The following DAAM1 variants were observed in gnomAD, a reference collection of about 807,000 sequenced individuals.
DAAM1 encodes the protein dishevelled associated activator of morphogenesis 1, also known as disheveled-associated activator of morphogenesis 1.
A neutral mutation model predicts 130.0 loss-of-function variants in DAAM1; 52 were observed. That is an observed-to-expected ratio of 0.40 (90% CI 0.32 to 0.50). The LOEUF (loss-of-function observed/expected upper bound fraction) is 0.50, where lower values mean the gene tolerates loss of function less well. DAAM1 is among the 20% of genes least tolerant of loss of function. The probability of loss-of-function intolerance (pLI) is 0.61; values close to 1 mark genes in which losing one functional copy is unlikely to be tolerated. For missense variants in DAAM1, 1,134 were observed against 1,303.8 expected (o/e 0.87, Z 2.01); for synonymous variants, 452 against 444.5 (o/e 1.02, Z -0.21).
Position 59,363,703 on chromosome 14 carries a change from C to A in DAAM1, c.2747C>A (p.Ser916Tyr). Reference sequence around the variant, plus strand: ...CCACAGCCCGGAGATAAGTTTGTGTCTGTTGTCAGCCAGTTCATCACAGTA... The same window carrying A: ...CCACAGCCCGGAGATAAGTTTGTGTATGTTGTCAGCCAGTTCATCACAGTA... Reference protein sequence around the residue: ...QPPQPGDKFVSVVSQFITVAS... With the variant: ...QPPQPGDKFVYVVSQFITVAS... Residue 916 changes from serine to tyrosine, a missense_variant, in exon 23 of 25, where the codon TCT (serine) becomes TAT (tyrosine). Coordinates refer to ENST00000360909, the MANE Select transcript of DAAM1 (RefSeq NM_001270520.2). 6.2e-7 allele frequency: 1 copy of A among 1,614,090 alleles called. No homozygotes were observed. Among genetic ancestry groups the A allele is most frequent in the African/African-American group, 1.3e-5 (1 of 75,032 alleles).
chr14:59,296,187 C>T (rs536060014), intron 3 of DAAM1, among the ~76,000 whole-genome samples: 19 of 152,336 alleles, frequency 1.2e-4, no homozygotes, highest in African/African-American at 1.7e-4. Context: ...AAGGGAAGCA[C>T]AGTAGCTGCA....
chr14:59,359,960 C>T (rs1287341879), intron 21 of DAAM1, among the ~76,000 whole-genome samples: 3 of 152,212 alleles, frequency 2.0e-5, no homozygotes, highest in East Asian at 3.8e-4. Flanking sequence ...CTTCACACCA[C>T]GTTTCAGAGA....
intron 20 of DAAM1, among the ~76,000 whole-genome samples, chr14:59,358,201 T>A (rs940999323): frequency 1.3e-5 from 2 of 152,200 alleles, no homozygotes; most frequent in African/African-American, 4.8e-5. Context: ...ATCTCTGGGG[T>A]TAGCCCAGGC....
intron 16 of DAAM1, among the ~76,000 whole-genome samples, chr14:59,344,047 G>A (rs1885962777): frequency 6.6e-6 from 1 of 152,158 alleles, no homozygotes; most frequent in Admixed American, 6.5e-5. Flanking sequence ...GCTGCCAAAG[G>A]CCTGGGGGTG....
intron 1 of DAAM1, among the ~76,000 whole-genome samples, chr14:59,214,796 G>T (rs894706282): frequency 6.6e-6 from 1 of 152,052 alleles, no homozygotes; most frequent in African/African-American, 2.4e-5. Flanking sequence ...TAATGCTGCC[G>T]TCAACATTTG....
At chr14:59,282,323 C>T (rs1594798110) in intron 2 of DAAM1, among the ~76,000 whole-genome samples, 1 of 152,092 alleles carries the variant, frequency 6.6e-6, no homozygotes, top group Admixed American at 6.6e-5. Context: ...GAACCCTGTG[C>T]CTATCACAAT....
chr14:59,354,108 T>G (rs1416651815), intron 19 of DAAM1, 144 bp downstream of exon 19: 5 of 747,768 alleles, frequency 6.7e-6, no homozygotes, highest in Non-Finnish European at 8.6e-6. Flanking sequence ...TTGCCCAGGC[T>G]GGAGTGCAGT....
chr14:59,248,595 G>A (rs1447165251), intron 1 of DAAM1, among the ~76,000 whole-genome samples: 1 of 152,168 alleles, frequency 6.6e-6, no homozygotes, highest in Admixed American at 6.5e-5. Context: ...AATGAAAAGA[G>A]ATTATATATG....
At position 59,347,583 on chromosome 14, in the gene DAAM1, T is replaced by C. The variant is rs1486638313; in HGVS notation, c.2120T>C (p.Met707Thr). ...GAAATCAAACGGGCAATTCTAACAA[T>C]GGACGAACAGGAAGATCTGCCCAAG... ...NDEIKRAILT[M>T]DEQEDLPKDM... is the part of the protein sequence containing the mutation. The change falls in exon 17 of 25, where the codon ATG (methionine) becomes ACG (threonine). Residue 707 changes from methionine to threonine, a missense_variant. By Grantham distance (81) the Met-to-Thr change is moderately conservative (BLOSUM62 -1). Around this residue, in one of 3 missense-constraint regions of DAAM1, gnomAD observed 644 missense variants for 695.9 expected, o/e 0.93. Coordinates refer to ENST00000360909, the MANE Select transcript of DAAM1 (RefSeq NM_001270520.2). 6.2e-7 allele frequency: 1 copy of C among 1,613,950 alleles called. No individual in the cohort carries two copies.
rs767765809 is a variant in DAAM1 at position 59,363,777 on chromosome 14, G to A, written c.2821G>A (p.Asp941Asn). 10 of 1,613,678 alleles carry A rather than the reference G, an allele frequency of 6.2e-6. No homozygotes were observed. Among genetic ancestry groups the A allele is most frequent in the Non-Finnish European group, 8.5e-6 (10 of 1,179,936 alleles). Reference sequence around the variant, plus strand: ...TGAAGACCTTCTAGCAGAAGCTAAAGACCTGGTAAGTTTCCCCCTTGTGCA... The same window carrying A: ...TGAAGACCTTCTAGCAGAAGCTAAAAACCTGGTAAGTTTCCCCCTTGTGCA... ...DVEDLLAEAK[D>N]LFTKAVKHFG... The change falls in exon 23 of 25, where the codon GAC becomes AAC. Residue 941 changes from aspartate (D) to asparagine (N), a missense_variant. Physicochemically the swap from Asp to Asn is conservative, Grantham distance 23. Around this residue, in one of 3 missense-constraint regions of DAAM1, gnomAD observed 644 missense variants for 695.9 expected, o/e 0.93. Coordinates refer to ENST00000360909, the MANE Select transcript of DAAM1 (RefSeq NM_001270520.2).
chr14:59,288,673 TA>T (rs1421041186), intron 2 of DAAM1, among the ~76,000 whole-genome samples: 3 of 152,188 alleles, frequency 2.0e-5, no homozygotes, highest in Non-Finnish European at 4.4e-5. Context: ...TCTGTTTTCA[TA>T]CTACTGCAAA....
intron 3 of DAAM1, among the ~76,000 whole-genome samples, chr14:59,309,966 A>G (rs1384566032): frequency 6.6e-6 from 1 of 152,248 alleles, no homozygotes; most frequent in East Asian, 1.9e-4. Flanking sequence ...ACCTAACACA[A>G]TAAACTATTT....
intron 6 of DAAM1, among the ~76,000 whole-genome samples, chr14:59,323,512 TC>T (rs1483141237): frequency 1.3e-5 from 2 of 152,168 alleles, no homozygotes; most frequent in African/African-American, 2.4e-5. Flanking sequence ...AACTGGGTGT[TC>T]CCTGAAAATT....
At chr14:59,324,790 A>G (rs998896212) in intron 8 of DAAM1, among the ~76,000 whole-genome samples, 2 of 152,190 alleles carry the variant, frequency 1.3e-5, no homozygotes, top group Non-Finnish European at 2.9e-5. Flanking sequence ...GCTGGTGGTG[A>G]TGATGATAAT....
intron 2 of DAAM1, among the ~76,000 whole-genome samples, chr14:59,279,163 T>C (rs748533618): frequency 2.6e-5 from 4 of 152,136 alleles, no homozygotes; most frequent in African/African-American, 9.7e-5. Flanking sequence ...CGCCATAGTT[T>C]ATAACACTTC....
intron 3 of DAAM1, among the ~76,000 whole-genome samples, chr14:59,307,458 A>G (rs1480046685): frequency 6.6e-6 from 1 of 152,224 alleles, no homozygotes; most frequent in Non-Finnish European, 1.5e-5. Flanking sequence ...CCATGCTTTT[A>G]AAAAATTATT....
intron 1 of DAAM1, among the ~76,000 whole-genome samples, chr14:59,211,480 T>C (rs940738340): frequency 1.3e-5 from 2 of 152,252 alleles, no homozygotes; most frequent in African/African-American, 4.8e-5. Flanking sequence ...GGAGGAAGGC[T>C]GCTGCTGCAG....
Position 59,254,251 on chromosome 14 carries a change from G to A in DAAM1, c.-37-9190G>A, listed in dbSNP as rs186333231. Among the ~76,000 whole-genome samples the A allele has an allele frequency of 5.3e-5, 8 of 152,260 alleles. No homozygotes were observed. The East Asian group carries it at 1.3e-3, about 26-fold the overall frequency. ...ATTGCCGGTATCTTGTAACATACAA[G>A]TATTCTTTTCCATGACTGCTGGCCT... On this transcript the variant is annotated intron_variant, in intron 1 of 24. Transcript: ENST00000360909.
intron 6 of DAAM1, 35 bp downstream of exon 6, chr14:59,323,260 TC>T: frequency 6.5e-7 from 1 of 1,528,942 alleles, no homozygotes; most frequent in East Asian, 2.4e-5. Context: ...ACTCACCCCT[TC>T]TTTAAAGTCT....
Sources: gnomAD v4.1 joint callset for allele counts (sites outside exome capture counted in the v4.1 genomes callset) on GRCh38, gnomAD v4.1.1 for gene constraint, gnomAD v4.1.1 regional missense constraint, MANE v1.5 for transcripts, NCBI Gene and HGNC (gene_info 2026-07-23, HGNC 2026-07-21) for gene names.